The following EFCAB6 variants were observed in gnomAD, a reference collection of about 807,000 sequenced individuals.
EFCAB6 encodes the protein EF-hand calcium-binding domain-containing protein 6.
A neutral mutation model predicts 169.8 loss-of-function variants in EFCAB6; 156 were observed. The observed-to-expected ratio is 0.92, with a 90% CI of 0.81 to 1.05. The LOEUF (loss-of-function observed/expected upper bound fraction) is 1.05, where lower values mean the gene tolerates loss of function less well. Ranked by LOEUF, EFCAB6 falls within the 50% of genes least tolerant of loss-of-function variation. EFCAB6 has a pLI of 0.00. For synonymous variants in EFCAB6, 698 were observed against 676.4 expected (o/e 1.03, Z -0.50); for missense variants, 1,800 against 1,829.1 (o/e 0.98, Z 0.29).
chr22:43,800,355 A>C (rs1449117067), intron 2 of EFCAB6, among the ~76,000 whole-genome samples: 1 of 152,218 alleles, frequency 6.6e-6, no homozygotes, highest in East Asian at 1.9e-4. Context: ...AAATATACCC[A>C]AAGAAAACAA....
At position 43,608,471 on chromosome 22, in the gene EFCAB6, G is replaced by A. The variant is rs201664609; in HGVS notation, c.2681+11C>T. 6.5e-4 allele frequency: 1,047 copies of A among 1,612,708 alleles called. 1 individual carries two copies. The highest frequency in any genetic ancestry group is 8.1e-4 in the Non-Finnish European group (956 of 1,178,848). Reference sequence around the variant, plus strand: ...AAGAATGGAAACCAACCAGTCTCACGTGCCACTTACCTTGCCCAAAGCTTT... The same window carrying A: ...AAGAATGGAAACCAACCAGTCTCACATGCCACTTACCTTGCCCAAAGCTTT... On this transcript the variant is annotated intron_variant, in intron 22 of 31. Transcript: ENST00000262726.
At position 43,626,499 on chromosome 22, in the gene EFCAB6, A is replaced by G; in HGVS notation, c.2413T>C (p.Leu805=). The part of the protein sequence containing the change: ...VTLNFREFQN[L]CEKRPWRTDE... ...GTTCTCCATGGTCTCTTCTCACACA[A>G]ATTTTGAAATTCCCGAAAATTTAAA... The change falls in exon 20 of 32, where the codon TTG becomes CTG. Residue 805 remains leucine, a synonymous_variant. Coordinates refer to ENST00000262726, the MANE Select transcript of EFCAB6 (RefSeq NM_022785.4). The G allele has an allele frequency of 6.2e-7, 1 of 1,614,076 alleles. No individual in the cohort carries two copies. Among genetic ancestry groups the G allele is most frequent in the Non-Finnish European group, 8.5e-7 (1 of 1,180,020 alleles).
intron 7 of EFCAB6, among the ~76,000 whole-genome samples, chr22:43,735,399 C>G (rs1262493949): frequency 6.6e-6 from 1 of 152,088 alleles, no homozygotes. Flanking sequence ...AAAATTAAGT[C>G]TCCATTATTG....
intron 17 of EFCAB6, among the ~76,000 whole-genome samples, chr22:43,652,229 G>A (rs757224843): frequency 2.6e-5 from 4 of 152,138 alleles, no homozygotes; most frequent in Non-Finnish European, 5.9e-5. Context: ...TCTTTCCTGT[G>A]CTGTTCTCTT....
At chr22:43,660,114 A>C (rs1425021094) in intron 17 of EFCAB6, among the ~76,000 whole-genome samples, 1 of 152,222 alleles carries the variant, frequency 6.6e-6, no homozygotes, top group Non-Finnish European at 1.5e-5. Flanking sequence ...AGAATGAAGA[A>C]ATCAGACACA....
chr22:43,551,824 G>A (rs1238692189), intron 27 of EFCAB6: 5 of 144,964 alleles, frequency 3.4e-5, no homozygotes, highest in African/African-American at 1.3e-4. Flanking sequence ...CATGTCCCTT[G>A]TTCCTTTTTT....
At chr22:43,605,919 T>C (rs1260943268) in intron 22 of EFCAB6, among the ~76,000 whole-genome samples, 1 of 151,940 alleles carries the variant, frequency 6.6e-6, no homozygotes, top group Non-Finnish European at 1.5e-5. Flanking sequence ...TCTAATGAAG[T>C]GAAATAAAAA....
At chr22:43,758,543 C>A (rs2061039348) in intron 5 of EFCAB6, among the ~76,000 whole-genome samples, 1 of 152,222 alleles carries the variant, frequency 6.6e-6, no homozygotes, top group African/African-American at 2.4e-5. Context: ...CCACACTCAG[C>A]TGACTATTGT....
chr22:43,593,034 A>T (rs1238534238), intron 23 of EFCAB6, among the ~76,000 whole-genome samples: 2 of 151,856 alleles, frequency 1.3e-5, no homozygotes, highest in Non-Finnish European at 2.9e-5. Flanking sequence ...AAATCTGTCA[A>T]TCTGATCAGA....
chr22:43,809,904 C>A (rs1447597567), intron 1 of EFCAB6, among the ~76,000 whole-genome samples: 3 of 152,040 alleles, frequency 2.0e-5, no homozygotes, highest in Non-Finnish European at 4.4e-5. Context: ...CCGCGCACAG[C>A]CTGTTTTGTT....
chr22:43,634,695 G>T (rs1420608791), intron 18 of EFCAB6, among the ~76,000 whole-genome samples: 1 of 152,018 alleles, frequency 6.6e-6, no homozygotes, highest in Admixed American at 6.6e-5. Context: ...GGTGGGGCTG[G>T]GTGGCCTTTT....
intron 2 of EFCAB6, among the ~76,000 whole-genome samples, chr22:43,806,090 C>A (rs1266626137): frequency 6.8e-6 from 1 of 147,952 alleles, no homozygotes; most frequent in Admixed American, 6.9e-5. Flanking sequence ...CGCTTGAACC[C>A]AGGAGGTGAA....
rs533184617 is a variant in EFCAB6, at chr22:43,599,616, T to A, written c.2876+453A>T. Among the ~76,000 whole-genome samples the A allele has an allele frequency of 2.7e-5, 4 of 146,458 alleles. No homozygotes were observed. In the South Asian group the frequency reaches 9.5e-4, roughly 35 times the overall value. Reference sequence around the variant, plus strand: ...CTTATTCTGAATTATTTCTTCGGGATCAAGTCCTGAAAGTAGAAGTGTGAG... The same window carrying A: ...CTTATTCTGAATTATTTCTTCGGGAACAAGTCCTGAAAGTAGAAGTGTGAG... On this transcript the variant is annotated intron_variant, in intron 23 of 31. Coordinates refer to ENST00000262726, the MANE Select transcript of EFCAB6 (RefSeq NM_022785.4).
At chr22:43,792,178 A>G (rs1272852302) in intron 2 of EFCAB6, among the ~76,000 whole-genome samples, 1 of 152,208 alleles carries the variant, frequency 6.6e-6, no homozygotes, top group Non-Finnish European at 1.5e-5. Context: ...CACAGGACAC[A>G]GAATGAAACA....
chr22:43,604,155 C>T (rs1489405225), intron 22 of EFCAB6, among the ~76,000 whole-genome samples: 1 of 152,172 alleles, frequency 6.6e-6, no homozygotes, highest in East Asian at 1.9e-4. Flanking sequence ...GCCTGTGGAA[C>T]CGTGAGCCAA....
rs771515283 is a variant in EFCAB6, at chr22:43,735,855, A to G, written c.644+2T>C. 6.2e-7 allele frequency: 1 copy of G among 1,611,302 alleles called. No homozygotes were observed. Among genetic ancestry groups the G allele is most frequent in the Non-Finnish European group, 8.5e-7 (1 of 1,179,368 alleles). On this transcript the variant is annotated splice_donor_variant, in intron 7 of 31. Transcript: ENST00000262726. LOFTEE classifies it high-confidence loss of function. ...TCTCTCACCGTGCCTTCATTTGCTTACTTTTCGTATTCCTCGTCTCTTAAC... is the reference window on the plus strand; with the variant it reads ...TCTCTCACCGTGCCTTCATTTGCTTGCTTTTCGTATTCCTCGTCTCTTAAC...
intron 17 of EFCAB6, among the ~76,000 whole-genome samples, chr22:43,636,703 C>T (rs1428417546): frequency 3.3e-5 from 5 of 151,240 alleles, no homozygotes; most frequent in Non-Finnish European, 5.9e-5. Flanking sequence ...CTCTGCCTCC[C>T]GGGCTCAAGT....
chr22:43,757,223 G>A (rs1241016290), intron 5 of EFCAB6, among the ~76,000 whole-genome samples: 2 of 152,176 alleles, frequency 1.3e-5, no homozygotes, highest in African/African-American at 2.4e-5. Context: ...ATATTCAATA[G>A]ATACAAAACG....
intron 2 of EFCAB6, among the ~76,000 whole-genome samples, chr22:43,787,720 T>G (rs2062132827): frequency 6.6e-6 from 1 of 152,110 alleles, no homozygotes. Context: ...TTGAAGAAAT[T>G]GACAAGTTGG....
Sources: allele counts gnomAD v4.1 joint callset (sites outside exome capture counted in the v4.1 genomes callset), GRCh38; gene constraint gnomAD v4.1.1; transcripts MANE v1.5; gene names NCBI Gene and HGNC (gene_info 2026-07-23, HGNC 2026-07-21).